TCF12: variants seen among roughly 807,000 people sequenced by gnomAD.
TCF12 encodes transcription factor 12.
TCF12 carries 45 observed loss-of-function variants against 86.0 expected under a neutral mutation model. The ratio of observed to expected loss-of-function variants is 0.52; its 90% CI spans 0.41 to 0.67. The LOEUF is 0.67. Among genes scored for constraint, TCF12 ranks in the 30% least tolerant of loss-of-function variants. The pLI, the probability that TCF12 is intolerant of heterozygous loss-of-function variation, is 0.00. For synonymous variants in TCF12, 330 were observed against 299.6 expected, an observed-to-expected ratio of 1.10 and a Z score of -1.05; for missense variants, 881 against 859.9, an observed-to-expected ratio of 1.02 and a Z score of -0.31.
intron 5 of TCF12, among the ~76,000 whole-genome samples, chr15:57,160,092 G>A (rs546910097): frequency 1.3e-5 from 2 of 152,318 alleles, no homozygotes; most frequent in South Asian, 4.1e-4. Context: ...AAATTTGGGT[G>A]TTGAAGGCAG....
chr15:56,944,027 T>G (rs1349196484), intron 3 of TCF12, among the ~76,000 whole-genome samples: 2 of 152,184 alleles, frequency 1.3e-5, no homozygotes, highest in Non-Finnish European at 1.5e-5. Flanking sequence ...TTCAAATTTA[T>G]GAATATGAGG....
chr15:57,099,252 T>C (rs1163120259), intron 5 of TCF12, among the ~76,000 whole-genome samples: 1 of 152,170 alleles, frequency 6.6e-6, no homozygotes, highest in African/African-American at 2.4e-5. Flanking sequence ...AGAGATGACC[T>C]GAAGGCTTCT....
chr15:57,189,643 A>G (rs763899374), intron 6 of TCF12, among the ~76,000 whole-genome samples: 49 of 152,344 alleles, frequency 3.2e-4, no homozygotes, highest in Non-Finnish European at 5.6e-4. Context: ...GTTGGAATGT[A>G]AAATAGTGCA....
rs1406434443 is a variant in TCF12 at position 57,119,771 on chromosome 15, C to CAA, written c.325+27881_325+27882dup. On this transcript the variant is annotated intron_variant, in intron 5 of 20. Transcript: ENST00000333725. ...AAATATTCGTCATGTGATCCTGTGGCAATCCTAAATAGGAATTCACCTCTT... is the reference window on the plus strand; with the variant it reads ...AAATATTCGTCATGTGATCCTGTGGCAAAATCCTAAATAGGAATTCACCTCTT... Among the ~76,000 whole-genome samples, 6 of 152,218 alleles carry CAA rather than the reference C, an allele frequency of 3.9e-5. No individual in the cohort carries two copies. The East Asian group carries it at 1.2e-3, about 29-fold the overall frequency.
chr15:57,064,795 C>CAAAAAAAAAA (rs1177544594), intron 4 of TCF12, among the ~76,000 whole-genome samples: 21 of 78,064 alleles, frequency 2.7e-4, no homozygotes, highest in African/African-American at 1.3e-3. Context: ...GACTCCATCT[C>CAAAAAAAAAA]AAAAAAAAAA....
At chr15:56,939,761 G>A (rs774510542) in intron 3 of TCF12, among the ~76,000 whole-genome samples, 1 of 152,108 alleles carries the variant, frequency 6.6e-6, no homozygotes, top group Non-Finnish European at 1.5e-5. Context: ...AGGAAGCACC[G>A]AAACTTACGT....
chr15:57,100,647 T>C (rs547884459), intron 5 of TCF12, among the ~76,000 whole-genome samples: 9 of 152,244 alleles, frequency 5.9e-5, no homozygotes, highest in South Asian at 2.1e-4. Context: ...AATGGTTTCA[T>C]ATTAAAATTC....
chr15:56,973,934 G>A (rs752806923), intron 3 of TCF12, among the ~76,000 whole-genome samples: 5 of 152,086 alleles, frequency 3.3e-5, no homozygotes, highest in African/African-American at 7.2e-5. Context: ...ACAGGCTCAC[G>A]TTAAAGGTCA....
chr15:56,978,076 A>G (rs2062702736), intron 3 of TCF12, among the ~76,000 whole-genome samples: 1 of 152,234 alleles, frequency 6.6e-6, no homozygotes, highest in Admixed American at 6.5e-5. Flanking sequence ...ATTCTCATAA[A>G]TGTATATTAA....
At chr15:57,058,076 T>A (rs2068168567) in intron 3 of TCF12, among the ~76,000 whole-genome samples, 1 of 152,226 alleles carries the variant, frequency 6.6e-6, no homozygotes, top group African/African-American at 2.4e-5. Flanking sequence ...AGTCTTGGAA[T>A]GTCTGTTCAG....
intron 18 of TCF12, among the ~76,000 whole-genome samples, chr15:57,268,060 A>G (rs375518072): frequency 6.6e-6 from 1 of 152,200 alleles, no homozygotes; most frequent in East Asian, 1.9e-4. Flanking sequence ...TCCATGGAGC[A>G]CTGAGCTGAC....
chr15:57,261,943 C>A, intron 16 of TCF12, 151 bp from the exon 17 acceptor site: 1 of 508,378 alleles, frequency 2.0e-6, no homozygotes, highest in Non-Finnish European at 3.4e-6. Context: ...GAAATTCTCC[C>A]CAAAAACCAG....
chr15:57,228,842 T>G (rs1171694172), intron 8 of TCF12, among the ~76,000 whole-genome samples: 1 of 151,988 alleles, frequency 6.6e-6, no homozygotes, highest in Admixed American at 6.6e-5. Flanking sequence ...ACTGACAAAT[T>G]ATGTCCATTT....
chr15:56,921,429 G>T (rs1337756591), intron 3 of TCF12, among the ~76,000 whole-genome samples: 2 of 123,510 alleles, frequency 1.6e-5, no homozygotes, highest in Non-Finnish European at 3.6e-5. Context: ...AATGTTTAGA[G>T]TAAGTTAAAG....
intron 13 of TCF12, chr15:57,247,931 T>TA (rs1304641865): frequency 2.6e-6 from 2 of 757,696 alleles, no homozygotes; most frequent in African/African-American, 3.4e-5. Flanking sequence ...AGACCACCAG[T>TA]AAAAAGTTTT....
intron 19 of TCF12, among the ~76,000 whole-genome samples, chr15:57,277,401 C>G (rs1307527533): frequency 6.6e-6 from 1 of 151,860 alleles, no homozygotes; most frequent in East Asian, 1.9e-4. Context: ...GAGGCTGAAG[C>G]AGGCAGATCA....
chr15:57,184,220 A>G (rs1295053159), intron 6 of TCF12, among the ~76,000 whole-genome samples: 1 of 152,200 alleles, frequency 6.6e-6, no homozygotes, highest in East Asian at 1.9e-4. Context: ...TTCTGTTGCA[A>G]CACTGAACGC....
At chr15:57,227,967 CA>C (rs1256689638) in intron 8 of TCF12, among the ~76,000 whole-genome samples, 5 of 151,966 alleles carry the variant, frequency 3.3e-5, no homozygotes. Flanking sequence ...TGTCATGATA[CA>C]AAATCATCCT....
At chr15:57,216,002 T>G (rs774551173) in intron 8 of TCF12, among the ~76,000 whole-genome samples, 6 of 152,144 alleles carry the variant, frequency 3.9e-5, no homozygotes, top group Non-Finnish European at 7.4e-5. Context: ...CTTGGTAGAC[T>G]TTTTGAAAAC....
Sources: gnomAD v4.1 joint callset for allele counts (sites outside exome capture counted in the v4.1 genomes callset) on GRCh38, gnomAD v4.1.1 for gene constraint, MANE v1.5 for transcripts, NCBI Gene and HGNC (gene_info 2026-07-23, HGNC 2026-07-21) for gene names.